PRRC2B: variants seen among roughly 807,000 people sequenced by gnomAD.
PRRC2B encodes proline rich coiled-coil 2B.
PRRC2B carries 68 observed loss-of-function variants against 242.3 expected under a neutral mutation model. The ratio of observed to expected loss-of-function variants is 0.28; its 90% CI spans 0.23 to 0.34. The LOEUF is 0.34. Among genes scored for constraint, PRRC2B ranks in the 10% least tolerant of loss-of-function variants. PRRC2B has a pLI of 1.00. For missense variants in PRRC2B, 2,835 were observed against 2,954.8 expected (o/e 0.96, Z 0.94); for synonymous variants, 1,228 against 1,173.6 (o/e 1.05, Z -0.95).
At chr9:131,378,075 C>T (rs1476410390) in intron 1 of PRRC2B, among the ~76,000 whole-genome samples, 1 of 152,048 alleles carries the variant, frequency 6.6e-6, no homozygotes, top group East Asian at 1.9e-4. Context: ...TTTTGGGAGG[C>T]TGAGGCAGGT....
At chr9:131,460,023 T>A (rs1374450036) in intron 11 of PRRC2B, among the ~76,000 whole-genome samples, 3 of 142,688 alleles carry the variant, frequency 2.1e-5, no homozygotes, top group Admixed American at 6.9e-5. Flanking sequence ...AGCTTCAAAG[T>A]GATAGAAAAG....
At chr9:131,448,718 C>T (rs115510258) in intron 9 of PRRC2B, among the ~76,000 whole-genome samples, 2 of 151,750 alleles carry the variant, frequency 1.3e-5, no homozygotes, top group African/African-American at 2.4e-5. Flanking sequence ...ACAAACCCAG[C>T]TTGTTCTGCC....
chr9:131,384,268 A>C (rs1836801093), intron 1 of PRRC2B, among the ~76,000 whole-genome samples: 1 of 143,798 alleles, frequency 7.0e-6, no homozygotes, highest in South Asian at 2.1e-4. Flanking sequence ...TAATTTTTGT[A>C]TGTATGTATG....
intron 1 of PRRC2B, among the ~76,000 whole-genome samples, chr9:131,421,655 C>T (rs899274954): frequency 6.6e-6 from 1 of 152,226 alleles, no homozygotes; most frequent in Admixed American, 6.5e-5. Context: ...TGAGGTCGGG[C>T]CTTGGGCCTT....
Position 131,465,033 on chromosome 9 carries a change from G to A in PRRC2B, c.1675G>A (p.Ala559Thr), listed in dbSNP as rs759776961. 6.2e-7 allele frequency: 1 copy of A among 1,613,978 alleles called. No individual in the cohort carries two copies. Among genetic ancestry groups the A allele is most frequent in the Non-Finnish European group, 8.5e-7 (1 of 1,179,874 alleles). The change falls in exon 12 of 32, where the codon GCT becomes ACT. Residue 559 changes from alanine (A) to threonine (T), a missense_variant. Ala to Thr is a moderately conservative substitution (Grantham distance 58). This residue lies in a region of PRRC2B where 1,536 missense variants were observed against 1,483.1 expected (regional missense o/e 1.04). Coordinates refer to ENST00000683519, the MANE Select transcript of PRRC2B (RefSeq NM_013318.4). The stretch of plus-strand genomic sequence containing the variant: ...GAAGGAAGTGCCCTGGTCTCCAAGT[G>A]CTGAGAAGGCATCTCCCCAGGAAAA... Reference protein sequence around the residue: ...AEKEVPWSPSAEKASPQENGP... With the variant: ...AEKEVPWSPSTEKASPQENGP...
chr9:131,449,750 T>G (rs2131395037), intron 9 of PRRC2B, among the ~76,000 whole-genome samples: 1 of 152,356 alleles, frequency 6.6e-6, no homozygotes, highest in East Asian at 1.9e-4. Context: ...GAAGTTTAAT[T>G]TACAAATTTG....
intron 1 of PRRC2B, among the ~76,000 whole-genome samples, chr9:131,426,518 G>C (rs977317816): frequency 2.0e-5 from 3 of 151,958 alleles, no homozygotes; most frequent in African/African-American, 7.3e-5. Context: ...TTGGGGAGTG[G>C]GACAGCAACT....
At chr9:131,385,345 A>G (rs1836813545) in intron 1 of PRRC2B, among the ~76,000 whole-genome samples, 1 of 149,752 alleles carries the variant, frequency 6.7e-6, no homozygotes, top group African/African-American at 2.4e-5. Flanking sequence ...CCGTCTCAAA[A>G]AAAAAAAAAG....
intron 1 of PRRC2B, among the ~76,000 whole-genome samples, chr9:131,416,558 T>C (rs1316436707): frequency 1.3e-5 from 2 of 152,208 alleles, no homozygotes; most frequent in Non-Finnish European, 2.9e-5. Context: ...GAACCAGTAT[T>C]GATACATTAT....
At chr9:131,460,705 G>A (rs1237501688) in intron 11 of PRRC2B, among the ~76,000 whole-genome samples, 1 of 152,116 alleles carries the variant, frequency 6.6e-6, no homozygotes, top group Non-Finnish European at 1.5e-5. Context: ...CACCTGGTTG[G>A]CCATTGGGTG....
chr9:131,388,232 A>G lies in PRRC2B; in HGVS notation c.-56+14501A>G, dbSNP rs1474358440. On this transcript the variant is annotated intron_variant, in intron 1 of 1. Transcript: ENST00000682525. The stretch of plus-strand genomic sequence containing the variant: ...ATTAAAATTAATTTCATCAACTTTT[A>G]CTTTTACTTTTTTTTTTTTTTTTTT... 1.4e-5 allele frequency among the ~76,000 whole-genome samples: 2 copies of G among 142,774 alleles called. 1 individual carries two copies. The highest frequency in any genetic ancestry group is 3.1e-5 in the Non-Finnish European group (2 of 65,356). The allele number at this position is 142,774 out of a possible 152,430, so 93.7% of individuals were successfully genotyped here. A position where few individuals can be genotyped will look rare whatever the true frequency, so the allele number is the denominator to read the frequency against.
upstream of PRRC2B, among the ~76,000 whole-genome samples, chr9:131,391,881 C>T (rs547597536): frequency 6.6e-6 from 1 of 151,878 alleles, no homozygotes; most frequent in Non-Finnish European, 1.5e-5. Context: ...GCTGGGATTA[C>T]AGGACCCCAC....
At position 131,436,679 on chromosome 9, in the gene PRRC2B, C is replaced by G. The variant is rs750928739; in HGVS notation, c.353C>G (p.Ser118Cys). Residue 118 changes from serine (S) to cysteine (C), a missense_variant, in exon 4 of 32, where the codon TCT becomes TGT. By Grantham distance (112) the Ser-to-Cys change is moderately radical (BLOSUM62 -1). Around this residue, in one of 7 missense-constraint regions of PRRC2B, gnomAD observed 626 missense variants for 685.5 expected, o/e 0.91. Coordinates refer to ENST00000683519, the MANE Select transcript of PRRC2B (RefSeq NM_013318.4). ...ESLPQPGLQK[S>C]VSNLQKPTQS... ...CTGCCGCAGCCGGGTTTGCAGAAAT[C>G]TGTCTCCAATTTGCAGAAACCGACA... 5 of 1,613,932 alleles carry G rather than the reference C, an allele frequency of 3.1e-6. No homozygotes were observed. The African/African-American group carries it at 5.3e-5, about 17-fold the overall frequency.
At chr9:131,422,773 T>G (rs1408161093) in intron 1 of PRRC2B, among the ~76,000 whole-genome samples, 1 of 152,202 alleles carries the variant, frequency 6.6e-6, no homozygotes, top group East Asian at 1.9e-4. Context: ...TTTCTGGTTG[T>G]TTTTGTTCCA....
At position 131,494,414 on chromosome 9, in the gene PRRC2B, T is replaced by C; in HGVS notation, c.6483T>C (p.Ser2161=). ...VPSPQTYRPS[S]ASPSGKPSGS... The stretch of plus-strand genomic sequence containing the variant: ...CCTTTGGTTTTTTCAGGCCTAGCTC[T>C]GCTAGCCCCAGTGGGAAGCCCTCTG... The change falls in exon 31 of 32, where the codon TCT becomes TCC. Residue 2161 remains serine, a synonymous_variant. Transcript: ENST00000683519. The surrounding 1 kb of genome is among the most constrained non-coding windows in gnomAD (Gnocchi z 4.3). 1.3e-6 allele frequency: 2 copies of C among 1,594,258 alleles called. No individual in the cohort carries two copies. The highest frequency in any genetic ancestry group is 1.7e-6 in the Non-Finnish European group (2 of 1,167,268).
chr9:131,442,959 A>G (rs1838650704), intron 5 of PRRC2B, among the ~76,000 whole-genome samples: 1 of 152,214 alleles, frequency 6.6e-6, no homozygotes, highest in Admixed American at 6.5e-5. Context: ...CCAGGATTAT[A>G]AGAGTGAAAT....
In PRRC2B at chr9:131,446,645, A is replaced by G; in HGVS notation, c.855+3A>G. Reference sequence around the variant, plus strand: ...ACCATGACATGCTTCCTGCTTTTGTAAGTCTTCAGAGTGTACTTTTTTTCC... The same window carrying G: ...ACCATGACATGCTTCCTGCTTTTGTGAGTCTTCAGAGTGTACTTTTTTTCC... On this transcript the variant is annotated splice_donor_region_variant and intron_variant, in intron 7 of 31. Coordinates refer to ENST00000683519, the MANE Select transcript of PRRC2B (RefSeq NM_013318.4). This position sits in a 1 kb window ranked among gnomAD's most constrained non-coding sequence, Gnocchi z 4.1. The G allele has an allele frequency of 6.2e-7, 1 of 1,613,872 alleles. No homozygotes were observed. Among genetic ancestry groups the G allele is most frequent in the Non-Finnish European group, 8.5e-7 (1 of 1,179,804 alleles).
Position 131,482,267 on chromosome 9 carries a change from G to A in PRRC2B, c.4984-104G>A, listed in dbSNP as rs1943891271. 1 of 1,294,166 alleles carries A rather than the reference G, an allele frequency of 7.7e-7. No homozygotes were observed. Among genetic ancestry groups the A allele is most frequent in the East Asian group, 2.4e-5 (1 of 42,370 alleles). The allele number at this position is 1,294,166 out of a possible 1,614,324, so 80.2% of individuals were successfully genotyped here. On this transcript the variant is annotated intron_variant, in intron 20 of 31. Coordinates refer to ENST00000683519, the MANE Select transcript of PRRC2B (RefSeq NM_013318.4). The surrounding 1 kb of genome is among the most constrained non-coding windows in gnomAD (Gnocchi z 5.2). ...AAGATCAGGACCAGACTTGGCAAGG[G>A]ACAGGCAGCTGGGGTAGAAAAGTCT...
At chr9:131,419,155 G>C (rs960887333) in intron 1 of PRRC2B, among the ~76,000 whole-genome samples, 1 of 152,208 alleles carries the variant, frequency 6.6e-6, no homozygotes, top group Non-Finnish European at 1.5e-5. Flanking sequence ...AAATAGCTAC[G>C]TTTATTGCCC....
Sources: allele counts gnomAD v4.1 joint callset (sites outside exome capture counted in the v4.1 genomes callset), GRCh38; gene constraint gnomAD v4.1.1; regional missense constraint gnomAD v4.1.1; non-coding constraint Gnocchi (gnomAD v3.1); transcripts MANE v1.5; gene names NCBI Gene and HGNC (gene_info 2026-07-23, HGNC 2026-07-21).